Variants in ITGAL observed in about 807,000 individuals in gnomAD.
ITGAL encodes the protein integrin alpha-L.
ITGAL carries 68 observed loss-of-function variants against 138.4 expected under a neutral mutation model. The observed-to-expected ratio is 0.49, with a 90% CI of 0.40 to 0.60. The LOEUF is 0.60. ITGAL is among the 20% of genes least tolerant of loss of function. The probability of loss-of-function intolerance (pLI) is 0.00; values close to 1 mark genes in which losing one functional copy is unlikely to be tolerated. For missense variants in ITGAL, 1,256 were observed against 1,478.6 expected (o/e 0.85, Z 2.47); for synonymous variants, 561 against 584.3 (o/e 0.96, Z 0.57).
chr16:30,487,106 G>A (rs1034076192), intron 9 of ITGAL, among the ~76,000 whole-genome samples: 1 of 135,588 alleles, frequency 7.4e-6, no homozygotes, highest in Admixed American at 8.5e-5. Context: ...TTGTGCCACC[G>A]CCCTCCAGCC....
intron 9 of ITGAL, among the ~76,000 whole-genome samples, chr16:30,485,276 G>GAATGCAGTGGCGCAGTCTCTGCTCACTGC (rs2050627284): frequency 1.4e-5 from 2 of 144,936 alleles, no homozygotes; most frequent in Middle Eastern, 3.5e-3. Flanking sequence ...GCCCAGGCTG[G>GAATGCAGTGGCGCAGTCTCTGCTCACTGC]AGTGCAGTGG....
rs746775850 is a variant in ITGAL, at chr16:30,504,265, G to A, written c.2235+1G>A. On this transcript the variant is annotated splice_donor_variant, in intron 18 of 30. Transcript: ENST00000356798. LOFTEE classifies it high-confidence loss of function. ...AGGGACACCGAGGGACCAAAGGGCG[G>A]TAAGAAGAGATGGCTAGGGATGGTG... The A allele has an allele frequency of 2.0e-5, 32 of 1,607,728 alleles. No homozygotes were observed. Among genetic ancestry groups the A allele is most frequent in the Non-Finnish European group, 2.5e-5 (29 of 1,174,392 alleles).
At chr16:30,508,250 G>A (rs1212439633) in intron 21 of ITGAL, among the ~76,000 whole-genome samples, 2 of 98,882 alleles carry the variant, frequency 2.0e-5, no homozygotes, top group Non-Finnish European at 3.8e-5. Flanking sequence ...TCTTGCTCTT[G>A]TCCCCCAGGC....
At chr16:30,473,872 C>T in intron 1 of ITGAL, 1 of 501,334 alleles carries the variant, frequency 2.0e-6, no homozygotes, top group Non-Finnish European at 3.9e-6. Context: ...ATCTTGGCCT[C>T]TGCCTGAGAA....
At chr16:30,482,847 G>A (rs897987523) in intron 7 of ITGAL, among the ~76,000 whole-genome samples, 1 of 151,746 alleles carries the variant, frequency 6.6e-6, no homozygotes, top group Admixed American at 6.6e-5. Flanking sequence ...TTTTTTTAGA[G>A]TCAAGGTCTC....
chr16:30,474,063 G>T (rs748504205), intron 1 of ITGAL, 133 bp from the exon 2 acceptor site: 4 of 715,634 alleles, frequency 5.6e-6, no homozygotes. Flanking sequence ...AGAAGTCAAC[G>T]CCCTGGAGGG....
Position 30,521,650 on chromosome 16 carries a change from TGGTGGCAAGGACTGAGTCCAGGCCTGTGA to T in ITGAL, c.3503_*18del, listed in dbSNP as rs2051256198. On this transcript the variant is annotated stop_lost and 3_prime_UTR_variant, in exon 31 of 31. Transcript: ENST00000356798. ...TCCATGAGAAGGACTCTGAGAGTGG[TGGTGGCAAGGACTGAGTCCAGGCCTGTGA>T]GGTGCAGAGTGCCCAGAACTGGACT... 1 of 1,613,718 alleles carries T rather than the reference TGGTGGCAAGGACTGAGTCCAGGCCTGTGA, an allele frequency of 6.2e-7. No individual in the cohort carries two copies.
At chr16:30,482,196 A>G (rs1015833013) in intron 7 of ITGAL, among the ~76,000 whole-genome samples, 2 of 152,066 alleles carry the variant, frequency 1.3e-5, no homozygotes, top group Non-Finnish European at 2.9e-5. Context: ...CACCTGGCCT[A>G]TGAGCCAGGA....
At chr16:30,514,681 C>T (rs1291533325) in intron 25 of ITGAL, among the ~76,000 whole-genome samples, 1 of 152,138 alleles carries the variant, frequency 6.6e-6, no homozygotes, top group Non-Finnish European at 1.5e-5. Flanking sequence ...ACCTCAGCCT[C>T]CCAAAGTACT....
At chr16:30,488,384 G>A (rs1389029331) in intron 9 of ITGAL, among the ~76,000 whole-genome samples, 1 of 151,902 alleles carries the variant, frequency 6.6e-6, no homozygotes, top group Admixed American at 6.6e-5. Flanking sequence ...CAAGAGCTGA[G>A]TCTTGGACAC....
intron 20 of ITGAL, among the ~76,000 whole-genome samples, chr16:30,506,262 T>TTAA (rs768200358): frequency 9.0e-6 from 1 of 111,356 alleles, no homozygotes; most frequent in Non-Finnish European, 1.8e-5. Flanking sequence ...TCTGTCTCAA[T>TTAA]AAAAAAAAAA....
rs1447960807 is a variant in ITGAL, at chr16:30,499,154, A to G, written c.1913A>G (p.Tyr638Cys). Residue 638 changes from tyrosine to cysteine, a missense_variant, in exon 16 of 31, where the codon TAT (tyrosine) becomes TGT (cysteine). Transcript: ENST00000356798. ...CCAGTGCATGAAGTGGAGTGCTCCTATTCAACCAGTAACAAGATGAAAGAA... is the reference window on the plus strand; with the variant it reads ...CCAGTGCATGAAGTGGAGTGCTCCTGTTCAACCAGTAACAAGATGAAAGAA... Reference protein sequence around the residue: ...EIPVHEVECSYSTSNKMKEGV... With the variant: ...EIPVHEVECSCSTSNKMKEGV... 1.9e-6 allele frequency: 3 copies of G among 1,613,778 alleles called. No individual in the cohort carries two copies. The highest frequency in any genetic ancestry group is 1.7e-5 in the Admixed American group (1 of 59,960).
At chr16:30,507,381 C>T (rs1597099157) in intron 21 of ITGAL, among the ~76,000 whole-genome samples, 1 of 151,168 alleles carries the variant, frequency 6.6e-6, no homozygotes. Context: ...ATGGCATGAA[C>T]CCCAGGGGGC....
intron 2 of ITGAL, chr16:30,474,529 C>T: frequency 1.8e-6 from 1 of 546,580 alleles, no homozygotes; most frequent in Non-Finnish European, 3.3e-6. Flanking sequence ...GGGAAGGATC[C>T]CAGCCCCAAA....
At chr16:30,502,816 A>AG (rs1567480965) in intron 17 of ITGAL, among the ~76,000 whole-genome samples, 3 of 149,284 alleles carry the variant, frequency 2.0e-5, no homozygotes, top group Admixed American at 6.8e-5. Flanking sequence ...TTTGTTTTAA[A>AG]CTTTTTTTTT....
chr16:30,485,276 G>GAGTGCAGTGGCGCAGTCTCTGCTCACTAC (rs1567467585), intron 9 of ITGAL, among the ~76,000 whole-genome samples: 4 of 144,838 alleles, frequency 2.8e-5, no homozygotes, highest in African/African-American at 1.0e-4. Context: ...GCCCAGGCTG[G>GAGTGCAGTGGCGCAGTCTCTGCTCACTAC]AGTGCAGTGG....
At chr16:30,476,581 A>G (rs1204128317) in intron 4 of ITGAL, among the ~76,000 whole-genome samples, 1 of 152,004 alleles carries the variant, frequency 6.6e-6, no homozygotes, top group Admixed American at 6.6e-5. Flanking sequence ...GTATGCTCAT[A>G]TGGCAGATAT....
intron 13 of ITGAL, among the ~76,000 whole-genome samples, 180 bp downstream of exon 13, chr16:30,495,030 CT>C (rs756487058): frequency 3.9e-4 from 60 of 152,122 alleles, no homozygotes; most frequent in Admixed American, 2.6e-4. Flanking sequence ...GCCAATATTT[CT>C]TTTTTCTTTT....
chr16:30,487,209 C>T (rs536913299), intron 9 of ITGAL, among the ~76,000 whole-genome samples: 1 of 151,796 alleles, frequency 6.6e-6, no homozygotes, highest in South Asian at 2.1e-4. Context: ...CTCCTGGGCT[C>T]AAGCAATCTT....
Sources: allele counts gnomAD v4.1 joint callset (sites outside exome capture counted in the v4.1 genomes callset), GRCh38; gene constraint gnomAD v4.1.1; transcripts MANE v1.5; gene names NCBI Gene and HGNC (gene_info 2026-07-23, HGNC 2026-07-21).